Variants in CDH20 observed in about 807,000 individuals in gnomAD.
CDH20 encodes cadherin-20.
CDH20 carries 29 observed loss-of-function variants against 74.2 expected under a neutral mutation model. That is an observed-to-expected ratio of 0.39 (90% confidence interval 0.29 to 0.53). The LOEUF (loss-of-function observed/expected upper bound fraction) is 0.53, where lower values mean the gene tolerates loss of function less well. Ranked by LOEUF, CDH20 falls within the 20% of genes least tolerant of loss-of-function variation. CDH20 has a pLI of 0.69. For missense variants in CDH20, 988 were observed against 1,048.3 expected, an observed-to-expected ratio of 0.94 and a Z score of 0.79; for synonymous variants, 469 against 405.4, an observed-to-expected ratio of 1.16 and a Z score of -1.88.
At position 61,378,287 on chromosome 18, in the gene CDH20, T is replaced by C. The variant is rs188120531; in HGVS notation, c.-153+44460T>C. 3.5e-4 allele frequency among the ~76,000 whole-genome samples: 53 copies of C among 152,348 alleles called. No homozygotes were observed. The East Asian group carries it at 9.6e-3, about 28-fold the overall frequency. ...ACAGAACCAATGGTAGACGTGTATC[T>C]GAGCCTGAGAAGTCTCAAGATCTGC... On this transcript the variant is annotated intron_variant, in intron 1 of 11. Coordinates refer to ENST00000262717, the MANE Select transcript of CDH20 (RefSeq NM_031891.4).
intron 1 of CDH20, among the ~76,000 whole-genome samples, chr18:61,342,241 C>CA (rs1257245154): frequency 1.3e-5 from 2 of 152,018 alleles, no homozygotes; most frequent in Non-Finnish European, 2.9e-5. Context: ...ATTGACAGAG[C>CA]AAAAAAATAA....
intron 10 of CDH20, 59 bp downstream of exon 10, chr18:61,545,203 G>T: frequency 1.9e-6 from 2 of 1,079,024 alleles, no homozygotes; most frequent in South Asian, 1.2e-5. Context: ...AGCTACTTTG[G>T]GTTACTGTCT....
At chr18:61,472,899 A>G (rs1226582839) in intron 1 of CDH20, among the ~76,000 whole-genome samples, 3 of 152,224 alleles carry the variant, frequency 2.0e-5, no homozygotes, top group Non-Finnish European at 2.9e-5. Context: ...CTGAAATCCC[A>G]GCCAGTTAGG....
chr18:61,400,152 G>C (rs1038682088), intron 1 of CDH20, among the ~76,000 whole-genome samples: 3 of 152,208 alleles, frequency 2.0e-5, no homozygotes, highest in Non-Finnish European at 4.4e-5. Context: ...CAAGTGAGGG[G>C]ACAATAGGGC....
chr18:61,387,737 C>A (rs1464754327), intron 1 of CDH20, among the ~76,000 whole-genome samples: 1 of 152,150 alleles, frequency 6.6e-6, no homozygotes, highest in South Asian at 2.1e-4. Context: ...AAGAGTTATA[C>A]AGAGACAGAG....
chr18:61,544,591 C>T (rs1442772527), intron 9 of CDH20, among the ~76,000 whole-genome samples: 2 of 152,168 alleles, frequency 1.3e-5, no homozygotes, highest in African/African-American at 4.8e-5. Flanking sequence ...GATTCTTCTC[C>T]AACTGTCCCG....
At chr18:61,461,279 GT>G (rs1267685690) in intron 1 of CDH20, among the ~76,000 whole-genome samples, 1 of 148,258 alleles carries the variant, frequency 6.7e-6, no homozygotes, top group Non-Finnish European at 1.5e-5. Context: ...TATTCATGGT[GT>G]ATTAGTTCCC....
intron 1 of CDH20, among the ~76,000 whole-genome samples, chr18:61,372,410 C>T (rs975730238): frequency 2.6e-5 from 4 of 152,034 alleles, no homozygotes; most frequent in Non-Finnish European, 2.9e-5. Flanking sequence ...TATAAAGTAA[C>T]GGGTATTTCA....
At chr18:61,528,817 G>C (rs1179336965) in intron 7 of CDH20, among the ~76,000 whole-genome samples, 1 of 152,056 alleles carries the variant, frequency 6.6e-6, no homozygotes, top group Non-Finnish European at 1.5e-5. Flanking sequence ...ATGAATCTTT[G>C]ACATGTTTTA....
At chr18:61,508,001 A>G (rs1210764354) in intron 6 of CDH20, among the ~76,000 whole-genome samples, 3 of 152,182 alleles carry the variant, frequency 2.0e-5, no homozygotes. Context: ...TTGCTTCTCA[A>G]AGATCTGTAA....
chr18:61,476,495 T>C (rs1395761661), intron 1 of CDH20, among the ~76,000 whole-genome samples: 1 of 152,182 alleles, frequency 6.6e-6, no homozygotes, highest in Non-Finnish European at 1.5e-5. Context: ...ACTGCTGTAT[T>C]AACTACATTT....
rs548624449 is a variant in CDH20 at position 61,418,918 on chromosome 18, C to T, written c.-152-71484C>T. On this transcript the variant is annotated intron_variant, in intron 1 of 11. Transcript: ENST00000262717. ...TGGATTTTTTCCATAAACCATAATA[C>T]ATATATATTATCTGCAACATGCTTT... Among the ~76,000 whole-genome samples the T allele has an allele frequency of 5.3e-5, 8 of 152,212 alleles. No individual in the cohort carries two copies. In the South Asian group the frequency reaches 8.3e-4, roughly 16 times the overall value.
intron 1 of CDH20, among the ~76,000 whole-genome samples, chr18:61,367,744 A>G (rs1341615749): frequency 6.6e-6 from 1 of 152,118 alleles, no homozygotes; most frequent in East Asian, 1.9e-4. Flanking sequence ...GGCTTAAACA[A>G]CAGAAATATA....
At chr18:61,486,140 C>T (rs1010972432) in intron 1 of CDH20, among the ~76,000 whole-genome samples, 4 of 152,096 alleles carry the variant, frequency 2.6e-5, no homozygotes, top group African/African-American at 4.8e-5. Flanking sequence ...GTATAGAGTA[C>T]AGAAGAAATA....
intron 1 of CDH20, among the ~76,000 whole-genome samples, chr18:61,337,260 T>G (rs1331773283): frequency 6.6e-6 from 1 of 152,190 alleles, no homozygotes; most frequent in Non-Finnish European, 1.5e-5. Flanking sequence ...GGCTGCCACT[T>G]TTTATTCCCT....
intron 1 of CDH20, among the ~76,000 whole-genome samples, chr18:61,438,676 C>T (rs1908918284): frequency 6.6e-6 from 1 of 152,138 alleles, no homozygotes; most frequent in Non-Finnish European, 1.5e-5. Context: ...TTAATTCAGT[C>T]ACTGTGGAAA....
chr18:61,497,107 GA>G (rs2144311281), intron 2 of CDH20, among the ~76,000 whole-genome samples: 1 of 137,608 alleles, frequency 7.3e-6, no homozygotes, highest in African/African-American at 2.7e-5. Flanking sequence ...AAAAAAGAAA[GA>G]AAGAAAGAAA....
At position 61,518,664 on chromosome 18, in the gene CDH20, A is replaced by G. The variant is rs189825916; in HGVS notation, c.1018-9303A>G. Among the ~76,000 whole-genome samples the G allele has an allele frequency of 2.0e-3, 309 of 151,568 alleles. 16 individuals carry two copies. The highest frequency in any genetic ancestry group is 7.4e-3 in the African/African-American group (301 of 40,928). On this transcript the variant is annotated intron_variant, in intron 6 of 11. Transcript: ENST00000262717. ...TAGATAAATCCATGAAGATGAGGAAAAAACAGCACAAAAAGGCTGAAAATT... is the reference window on the plus strand; with the variant it reads ...TAGATAAATCCATGAAGATGAGGAAGAAACAGCACAAAAAGGCTGAAAATT...
At chr18:61,424,030 G>A (rs1356734751) in intron 1 of CDH20, among the ~76,000 whole-genome samples, 2 of 152,064 alleles carry the variant, frequency 1.3e-5, no homozygotes, top group Admixed American at 6.6e-5. Context: ...ACAACCTCCA[G>A]CACTGCATTC....
Sources: allele counts gnomAD v4.1 joint callset (sites outside exome capture counted in the v4.1 genomes callset), GRCh38; gene constraint gnomAD v4.1.1; transcripts MANE v1.5; gene names NCBI Gene and HGNC (gene_info 2026-07-23, HGNC 2026-07-21).